BMPR2: variants seen among roughly 807,000 people sequenced by gnomAD.
The protein encoded by BMPR2 is bone morphogenetic protein receptor type-2.
Under a neutral mutation model 100.8 loss-of-function variants are expected in BMPR2, and 29 were observed. The observed-to-expected ratio is 0.29, with a 90% CI of 0.21 to 0.39. The LOEUF is 0.39. Ranked by LOEUF, BMPR2 falls within the 10% of genes least tolerant of loss-of-function variation. The pLI, the probability that BMPR2 is intolerant of heterozygous loss-of-function variation, is 1.00. For missense variants in BMPR2, 1,011 were observed against 1,274.5 expected, an observed-to-expected ratio of 0.79 and a Z score of 3.15; for synonymous variants, 382 against 442.3, an observed-to-expected ratio of 0.86 and a Z score of 1.71.
At chr2:202,472,930 CAA>C (rs1167126554) in intron 3 of BMPR2, among the ~76,000 whole-genome samples, 5 of 152,104 alleles carry the variant, frequency 3.3e-5, no homozygotes, top group Non-Finnish European at 7.4e-5. Flanking sequence ...AGTTGGCAAA[CAA>C]GATCAGTTTT....
At chr2:202,510,159 C>T (rs903941436) in intron 3 of BMPR2, among the ~76,000 whole-genome samples, 1 of 152,150 alleles carries the variant, frequency 6.6e-6, no homozygotes, top group Non-Finnish European at 1.5e-5. Flanking sequence ...TGGCTTATGC[C>T]TATAATCCCA....
At chr2:202,554,525 A>AT (rs941190140) in intron 11 of BMPR2, among the ~76,000 whole-genome samples, 13 of 151,634 alleles carry the variant, frequency 8.6e-5, no homozygotes, top group South Asian at 2.1e-4. Context: ...CTGTATAACA[A>AT]TTTTTTTTTC....
Position 202,399,388 on chromosome 2 carries a change from T to C in BMPR2, c.76+21838T>C, listed in dbSNP as rs1451291265. ...CTAGGAGGTAAGAAAGAGCTCGATATTTCACAGGATCGGAAAGGAGCTTGT... is the reference window on the plus strand; with the variant it reads ...CTAGGAGGTAAGAAAGAGCTCGATACTTCACAGGATCGGAAAGGAGCTTGT... On this transcript the variant is annotated intron_variant, in intron 1 of 12. Transcript: ENST00000374580. 2.0e-5 allele frequency among the ~76,000 whole-genome samples: 3 copies of C among 152,146 alleles called. 1 individual carries two copies. The highest frequency in any genetic ancestry group is 4.4e-5 in the Non-Finnish European group (3 of 68,034).
At position 202,457,307 on chromosome 2, in the gene BMPR2, T is replaced by C. The variant is rs558577834; in HGVS notation, c.77-7502T>C. 2.6e-4 allele frequency among the ~76,000 whole-genome samples: 40 copies of C among 151,980 alleles called. 1 individual carries two copies. The South Asian group carries it at 8.1e-3, about 31-fold the overall frequency. On this transcript the variant is annotated intron_variant, in intron 1 of 12. Transcript: ENST00000374580. ...TAGCTGTCATATCATGTTTCAGTTA[T>C]TCATTGCTTCAGATGATTAAGGGTT...
intron 3 of BMPR2, chr2:202,469,382 C>T (rs1021018875): frequency 1.1e-5 from 2 of 182,850 alleles, no homozygotes; most frequent in African/African-American, 2.4e-5. Context: ...CACTATTCTA[C>T]GTAAGCAAAC....
intron 3 of BMPR2, among the ~76,000 whole-genome samples, chr2:202,478,409 G>T (rs554189988): frequency 1.3e-5 from 2 of 152,254 alleles, no homozygotes; most frequent in African/African-American, 4.8e-5. Flanking sequence ...ATAAAAGAAG[G>T]CTATGTATTT....
Position 202,559,996 on chromosome 2 carries a change from T to A in BMPR2, c.*50T>A. ...AATTATTTTTTGCATCATTTAAACA[T>A]GCAGAAGATGTTTAAAAATAAAAAA... On this transcript the variant is annotated 3_prime_UTR_variant, in exon 13 of 13. Coordinates refer to ENST00000374580, the MANE Select transcript of BMPR2 (RefSeq NM_001204.7). 7.5e-6 allele frequency: 12 copies of A among 1,609,220 alleles called. No homozygotes were observed. The highest frequency in any genetic ancestry group is 1.0e-5 in the Non-Finnish European group (12 of 1,178,646).
chr2:202,416,125 C>T (rs895845975), intron 1 of BMPR2, among the ~76,000 whole-genome samples: 4 of 152,054 alleles, frequency 2.6e-5, no homozygotes, highest in African/African-American at 9.7e-5. Context: ...TTATGGATGA[C>T]TTTGATAGGT....
At chr2:202,393,900 A>C (rs935426740) in intron 1 of BMPR2, among the ~76,000 whole-genome samples, 57 of 108,530 alleles carry the variant, frequency 5.3e-4, no homozygotes, top group African/African-American at 2.0e-3. Context: ...AGAGAGAGAG[A>C]GAGAGAGAGA....
At chr2:202,525,857 CTTTTTTTTTTT>C (rs386392340) in intron 7 of BMPR2, among the ~76,000 whole-genome samples, 1 of 69,362 alleles carries the variant, frequency 1.4e-5, no homozygotes, top group Non-Finnish European at 2.5e-5. Flanking sequence ...TTCAGAGCAT[CTTTTTTTTTTT>C]TTTTTTTTTT....
At position 202,446,004 on chromosome 2, in the gene BMPR2, G is replaced by A. The variant is rs904903706; in HGVS notation, c.77-18805G>A. ...TTAGCCAGGATGGTCTTGATCTCCCGACCTCGTGATCTGCCCATCTTGGCC... is the reference window on the plus strand; with the variant it reads ...TTAGCCAGGATGGTCTTGATCTCCCAACCTCGTGATCTGCCCATCTTGGCC... On this transcript the variant is annotated intron_variant, in intron 1 of 12. Transcript: ENST00000374580. Among the ~76,000 whole-genome samples the A allele has an allele frequency of 5.3e-5, 8 of 150,044 alleles. 1 individual carries two copies. The highest frequency in any genetic ancestry group is 3.3e-4 in the Admixed American group (5 of 15,178).
chr2:202,398,127 C>T (rs1439247737), intron 1 of BMPR2, among the ~76,000 whole-genome samples: 1 of 150,704 alleles, frequency 6.6e-6, no homozygotes, highest in Non-Finnish European at 1.5e-5. Context: ...AAAAAAAAAT[C>T]TATACTTACC....
At chr2:202,440,212 C>T (rs1307387696) in intron 1 of BMPR2, among the ~76,000 whole-genome samples, 3 of 150,866 alleles carry the variant, frequency 2.0e-5, no homozygotes, top group East Asian at 3.9e-4. Context: ...TCATCGTGGC[C>T]CGTTCTCAAT....
At chr2:202,549,719 C>G (rs189270733) in intron 10 of BMPR2, among the ~76,000 whole-genome samples, 6 of 150,026 alleles carry the variant, frequency 4.0e-5, no homozygotes, top group Non-Finnish European at 8.9e-5. Flanking sequence ...TGCAATCCAG[C>G]CTGGGCGACA....
At chr2:202,460,389 T>C (rs1054789862) in intron 1 of BMPR2, among the ~76,000 whole-genome samples, 5 of 147,090 alleles carry the variant, frequency 3.4e-5, no homozygotes, top group Non-Finnish European at 7.5e-5. Context: ...AAAAGCCCAG[T>C]GTTTAAATTT....
At position 202,449,918 on chromosome 2, in the gene BMPR2, C is replaced by T. The variant is rs114480384; in HGVS notation, c.77-14891C>T. Among the ~76,000 whole-genome samples the T allele has an allele frequency of 7.6e-3, 1,153 of 152,080 alleles. 10 individuals carry two copies. Among genetic ancestry groups the T allele is most frequent in the Middle Eastern group, 0.014 (4 of 294 alleles). On this transcript the variant is annotated intron_variant, in intron 1 of 12. Transcript: ENST00000374580. ...GTCAGGAGTTCGAGACCAGTCTGGC[C>T]CACGTGGTGAATCCCCATCTCTACT...
intron 3 of BMPR2, among the ~76,000 whole-genome samples, chr2:202,499,812 A>G (rs1158616970): frequency 6.6e-6 from 1 of 152,160 alleles, no homozygotes; most frequent in African/African-American, 2.4e-5. Context: ...CCAAAAGGAA[A>G]AGCGAGATCA....
At chr2:202,410,423 G>A (rs1690989802) in intron 1 of BMPR2, among the ~76,000 whole-genome samples, 1 of 152,258 alleles carries the variant, frequency 6.6e-6, no homozygotes, top group African/African-American at 2.4e-5. Flanking sequence ...AATGATAGGG[G>A]CATATGAAAG....
Position 202,556,100 on chromosome 2 carries a change from G to A in BMPR2, c.2435G>A (p.Arg812Lys), listed in dbSNP as rs1317415471. Residue 812 changes from arginine to lysine, a missense_variant, in exon 12 of 13, where the codon AGA becomes AAA. Arg to Lys is a conservative substitution (Grantham distance 26). Transcript: ENST00000374580. ...VTVTMNGVAG[R>K]NHSVNSHAAT... Reference sequence around the variant, plus strand: ...GTCACCATGAATGGTGTGGCAGGTAGAAACCACAGTGTTAACTCCCATGCT... The same window carrying A: ...GTCACCATGAATGGTGTGGCAGGTAAAAACCACAGTGTTAACTCCCATGCT... 6.2e-7 allele frequency: 1 copy of A among 1,614,130 alleles called. No individual in the cohort carries two copies. The highest frequency in any genetic ancestry group is 8.5e-7 in the Non-Finnish European group (1 of 1,180,042).
Sources: allele counts gnomAD v4.1 joint callset (sites outside exome capture counted in the v4.1 genomes callset), GRCh38; gene constraint gnomAD v4.1.1; transcripts MANE v1.5; gene names NCBI Gene and HGNC (gene_info 2026-07-23, HGNC 2026-07-21).